Variants in CDK17 observed in about 807,000 individuals in gnomAD.
The protein encoded by CDK17 is cyclin dependent kinase 17.
CDK17 carries 24 observed loss-of-function variants against 77.6 expected under a neutral mutation model. The observed-to-expected ratio is 0.31, with a 90% CI of 0.22 to 0.44. CDK17 has a LOEUF of 0.44. CDK17 is among the 20% of genes least tolerant of loss of function. The pLI, the probability that CDK17 is intolerant of heterozygous loss-of-function variation, is 1.00. For synonymous variants in CDK17, 203 were observed against 210.4 expected, an observed-to-expected ratio of 0.96 and a Z score of 0.30; for missense variants, 429 against 622.5, an observed-to-expected ratio of 0.69 and a Z score of 3.31.
At chr12:96,347,546 A>C (rs1346217531) in intron 1 of CDK17, among the ~76,000 whole-genome samples, 1 of 135,616 alleles carries the variant, frequency 7.4e-6, no homozygotes, top group Non-Finnish European at 1.6e-5. Context: ...CGACAGAGTG[A>C]GACTCTGTCT....
chr12:96,363,465 A>G (rs1953529251), intron 1 of CDK17, among the ~76,000 whole-genome samples: 1 of 151,724 alleles, frequency 6.6e-6, no homozygotes, highest in Admixed American at 6.6e-5. Context: ...AAAAAAAAAA[A>G]AAAAATTAGA....
intron 3 of CDK17, among the ~76,000 whole-genome samples, chr12:96,321,903 T>G (rs1952821542): frequency 6.7e-6 from 1 of 148,440 alleles, no homozygotes; most frequent in Admixed American, 6.7e-5. Flanking sequence ...GGCACATGTA[T>G]ACATATGTAA....
intron 1 of CDK17, among the ~76,000 whole-genome samples, chr12:96,350,278 G>T (rs895494177): frequency 9.9e-5 from 15 of 151,460 alleles, no homozygotes; most frequent in African/African-American, 3.6e-4. Flanking sequence ...ATTTGTTCCG[G>T]TTTACAGTGA....
rs571002379 is a variant in CDK17 at position 96,381,202 on chromosome 12, C to G, written c.-30+18784G>C. Among the ~76,000 whole-genome samples the G allele has an allele frequency of 1.6e-3, 241 of 152,288 alleles. 1 individual carries two copies. Among genetic ancestry groups the G allele is most frequent in the African/African-American group, 5.5e-3 (230 of 41,550 alleles). ...CCAAGACAGTATACAGTCCTATGGTCTCCTTGGAAATCCATATAGATAACA... is the reference window on the plus strand; with the variant it reads ...CCAAGACAGTATACAGTCCTATGGTGTCCTTGGAAATCCATATAGATAACA... On this transcript the variant is annotated intron_variant, in intron 1 of 16. Coordinates refer to ENST00000261211, the MANE Select transcript of CDK17 (RefSeq NM_002595.5).
chr12:96,350,260 G>A (rs1043167743), intron 1 of CDK17, among the ~76,000 whole-genome samples: 4 of 151,514 alleles, frequency 2.6e-5, no homozygotes, highest in African/African-American at 7.3e-5. Flanking sequence ...AAAAGAACAT[G>A]GTCTAAAATT....
At chr12:96,291,529 C>G (rs1363842607) in intron 10 of CDK17, among the ~76,000 whole-genome samples, 3 of 151,874 alleles carry the variant, frequency 2.0e-5, no homozygotes, top group Admixed American at 2.0e-4. Context: ...TGAGCTCAAG[C>G]AATCTGCCTG....
At chr12:96,288,248 T>C (rs543192097) in intron 11 of CDK17, among the ~76,000 whole-genome samples, 1 of 152,292 alleles carries the variant, frequency 6.6e-6, no homozygotes, top group South Asian at 2.1e-4. Context: ...TTACATAAAC[T>C]GTTCAAGACA....
intron 3 of CDK17, among the ~76,000 whole-genome samples, chr12:96,319,068 A>G (rs1393186805): frequency 2.2e-5 from 3 of 133,580 alleles, no homozygotes; most frequent in Admixed American, 7.6e-5. Flanking sequence ...TAATAAAGAA[A>G]AAAAGAGAGA....
At chr12:96,374,476 A>G (rs1953746747) in intron 1 of CDK17, among the ~76,000 whole-genome samples, 1 of 152,164 alleles carries the variant, frequency 6.6e-6, no homozygotes, top group Non-Finnish European at 1.5e-5. Flanking sequence ...CAAAGAAATT[A>G]TTTGTAGCTT....
intron 8 of CDK17, 61 bp from the exon 9 acceptor site, chr12:96,297,393 A>C (rs113780826): frequency 1.2e-5 from 13 of 1,102,280 alleles, no homozygotes; most frequent in Non-Finnish European, 1.8e-5. Context: ...TGACTGGTTC[A>C]CTTAATAGTG....
intron 3 of CDK17, among the ~76,000 whole-genome samples, chr12:96,315,825 G>A (rs1952706592): frequency 2.0e-5 from 3 of 151,934 alleles, no homozygotes; most frequent in Admixed American, 2.0e-4. Context: ...CTTCCACATT[G>A]GGATAAAAAA....
At chr12:96,389,455 T>G (rs1200762881) in intron 1 of CDK17, among the ~76,000 whole-genome samples, 3 of 152,238 alleles carry the variant, frequency 2.0e-5, no homozygotes, top group East Asian at 1.9e-4. Flanking sequence ...TTTTATAGCT[T>G]CTTAGGAAGA....
At chr12:96,368,253 A>C (rs1482502074) in intron 1 of CDK17, among the ~76,000 whole-genome samples, 1 of 152,242 alleles carries the variant, frequency 6.6e-6, no homozygotes, top group African/African-American at 2.4e-5. Context: ...TCAGGAGATC[A>C]CAATCTTTAG....
rs371200589 is a variant in CDK17 at position 96,328,828 on chromosome 12, A to T, written c.119-4716T>A. On this transcript the variant is annotated intron_variant, in intron 2 of 16. Transcript: ENST00000261211. ...GTAGTCAACATATATATGGTAGTTG[A>T]AATTGTAGGGTTGGAGGAGGTCACC... Among the ~76,000 whole-genome samples, 6 of 152,302 alleles carry T rather than the reference A, an allele frequency of 3.9e-5. No individual in the cohort carries two copies. The South Asian group carries it at 1.2e-3, about 32-fold the overall frequency.
intron 1 of CDK17, among the ~76,000 whole-genome samples, chr12:96,357,965 C>A (rs1056054678): frequency 6.6e-6 from 1 of 151,996 alleles, no homozygotes; most frequent in Non-Finnish European, 1.5e-5. Flanking sequence ...TACGGTAATT[C>A]ATAGAATAGA....
chr12:96,350,412 G>C lies in CDK17; in HGVS notation c.-29-15547C>G, dbSNP rs114787660. ...TTTATATGGAATTCCAAGGAACCTT[G>C]AATAGTTTTGAACTAGAAGAACAAA... is the stretch of plus-strand genomic sequence containing the variant. On this transcript the variant is annotated intron_variant, in intron 1 of 16. Transcript: ENST00000261211. Among the ~76,000 whole-genome samples the C allele has an allele frequency of 3.8e-3, 568 of 150,442 alleles. 4 individuals are homozygous for C. The highest frequency in any genetic ancestry group is 0.013 in the African/African-American group (545 of 41,170).
chr12:96,301,247 AAAAAAAAAAAAAC>A (rs1315336680), intron 5 of CDK17, among the ~76,000 whole-genome samples: 1 of 146,978 alleles, frequency 6.8e-6, no homozygotes, highest in Non-Finnish European at 1.5e-5. Flanking sequence ...CGGCCAAAAA[AAAAAAAAAAAAAC>A]AAACAAACCC....
chr12:96,299,909 A>G (rs372430764), intron 6 of CDK17, among the ~76,000 whole-genome samples: 1 of 152,220 alleles, frequency 6.6e-6, no homozygotes, highest in Non-Finnish European at 1.5e-5. Flanking sequence ...CAAGATCTTA[A>G]GAATTTCCGT....
intron 1 of CDK17, among the ~76,000 whole-genome samples, chr12:96,391,550 C>T (rs1437545686): frequency 6.6e-6 from 1 of 152,146 alleles, no homozygotes; most frequent in Non-Finnish European, 1.5e-5. Context: ...CTTGGCCTCC[C>T]AAAGTGCTGG....
Sources: gnomAD v4.1 joint callset for allele counts (sites outside exome capture counted in the v4.1 genomes callset) on GRCh38, gnomAD v4.1.1 for gene constraint, MANE v1.5 for transcripts, NCBI Gene and HGNC (gene_info 2026-07-23, HGNC 2026-07-21) for gene names.